The following ITGB2 variants were observed in gnomAD, a reference collection of about 807,000 sequenced individuals.
ITGB2 encodes integrin subunit beta 2, also known as integrin beta-2.
In ITGB2, 56 loss-of-function variants were observed where a neutral mutation model predicts 86.8. The ratio of observed to expected loss-of-function variants is 0.65; its 90% CI spans 0.52 to 0.81. The LOEUF (loss-of-function observed/expected upper bound fraction) is 0.81, where lower values mean the gene tolerates loss of function less well. Among genes scored for constraint, ITGB2 ranks in the 30% least tolerant of loss-of-function variants. The probability of loss-of-function intolerance (pLI) is 0.00; values close to 1 mark genes in which losing one functional copy is unlikely to be tolerated. For missense variants in ITGB2, 948 were observed against 1,061.2 expected, an observed-to-expected ratio of 0.89 and a Z score of 1.48; for synonymous variants, 457 against 450.4, an observed-to-expected ratio of 1.01 and a Z score of -0.19.
rs2083857523 is a variant in ITGB2, at chr21:44,895,850, TGA to T, written c.994-792_994-791del. The stretch of plus-strand genomic sequence containing the variant: ...TCTGTCTCAATAAAATAAAATGAAA[TGA>T]AATGAAATGAAATGAAATGAAATAA... On this transcript the variant is annotated intron_variant, in intron 8 of 15. Coordinates refer to ENST00000652462, the MANE Select transcript of ITGB2 (RefSeq NM_000211.5). 2.3e-5 allele frequency among the ~76,000 whole-genome samples: 3 copies of T among 130,514 alleles called. No homozygotes were observed. The South Asian group carries it at 6.9e-4, about 30-fold the overall frequency. The allele number at this position is 130,514 out of a possible 152,430, so 85.6% of individuals were successfully genotyped here. A position where few individuals can be genotyped will look rare whatever the true frequency, so the allele number is the denominator to read the frequency against.
chr21:44,910,332 G>T lies in ITGB2; in HGVS notation c.99C>A (p.Cys33Ter). ...CGGGCCCCGACTCGATGCATTCCCG[G>T]CAGCTGCTGACCTTGAACTTCGTGC... ...QECTKFKVSS[C>*]RECIESGPGC... The change falls in exon 3 of 16, where the codon TGC (cysteine) becomes TGA (stop). Residue 33 changes from cysteine to a stop codon, truncating the protein, a stop_gained. Coordinates refer to ENST00000652462, the MANE Select transcript of ITGB2 (RefSeq NM_000211.5). LOFTEE classifies it high-confidence loss of function. The T allele has an allele frequency of 6.2e-7, 1 of 1,614,142 alleles. No individual in the cohort carries two copies. Among genetic ancestry groups the T allele is most frequent in the South Asian group, 1.1e-5 (1 of 91,086 alleles).
chr21:44,913,351 T>C (rs555645078), intron 1 of ITGB2, among the ~76,000 whole-genome samples: 4 of 152,232 alleles, frequency 2.6e-5, no homozygotes, highest in East Asian at 3.9e-4. Context: ...ATGGGGAAAC[T>C]GAGGGCCCCA....
At chr21:44,910,444 G>A in intron 2 of ITGB2, 72 bp from the exon 3 acceptor site, 1 of 1,608,706 alleles carries the variant, frequency 6.2e-7, no homozygotes, top group Non-Finnish European at 8.5e-7. Context: ...GAGTAGAGCA[G>A]GAAGGTCAGA....
intron 1 of ITGB2, among the ~76,000 whole-genome samples, chr21:44,913,411 C>T (rs2084161181): frequency 6.6e-6 from 1 of 152,140 alleles, no homozygotes; most frequent in Admixed American, 6.5e-5. Context: ...GCACTCCCAC[C>T]TGCCCACAGG....
In ITGB2 at chr21:44,886,689, G is replaced by C. The variant is rs1254354164; in HGVS notation, c.2247+47C>G. ...CCGCAGCAGGAGGTCGCATAGTGTGGGACGCACGTGCCCCTCTGCGTGGGA... is the reference window on the plus strand; with the variant it reads ...CCGCAGCAGGAGGTCGCATAGTGTGCGACGCACGTGCCCCTCTGCGTGGGA... On this transcript the variant is annotated intron_variant, in intron 15 of 15. Coordinates refer to ENST00000652462, the MANE Select transcript of ITGB2 (RefSeq NM_000211.5). 18 of 1,611,024 alleles carry C rather than the reference G, an allele frequency of 1.1e-5. No homozygotes were observed. In the African/African-American group the frequency reaches 2.4e-4, roughly 22 times the overall value.
Position 44,889,256 on chromosome 21 carries a change from C to A in ITGB2, c.1877+20G>T, listed in dbSNP as rs1190100106. 3 of 1,610,332 alleles carry A rather than the reference C, an allele frequency of 1.9e-6. No individual in the cohort carries two copies. The highest frequency in any genetic ancestry group is 1.3e-5 in the African/African-American group (1 of 74,852). ...GGAGTGGGGATCCCTGCCCGCCCTG[C>A]CTGCTCCGCCTGCACTCACATGTAC... On this transcript the variant is annotated intron_variant, in intron 13 of 15. Coordinates refer to ENST00000652462, the MANE Select transcript of ITGB2 (RefSeq NM_000211.5).
At chr21:44,903,250 G>T in intron 5 of ITGB2, 115 bp downstream of exon 5, 1 of 1,341,586 alleles carries the variant, frequency 7.5e-7, no homozygotes, top group East Asian at 2.3e-5. Flanking sequence ...ACCTGCATCT[G>T]GGGCCCCCAG....
In ITGB2 at chr21:44,901,356, G is replaced by A. The variant is rs2083953965; in HGVS notation, c.741+136C>T. On this transcript the variant is annotated intron_variant, in intron 6 of 15. Transcript: ENST00000652462. The stretch of plus-strand genomic sequence containing the variant: ...TGCATGGGCAGCAGCAGGGTGAGGA[G>A]CTGCTCTCCCCAGGCCCAGGCTGGA... 5 of 1,127,332 alleles carry A rather than the reference G, an allele frequency of 4.4e-6. No homozygotes were observed. In the Admixed American group the frequency reaches 1.2e-4, roughly 27 times the overall value. 69.8% of individuals were successfully genotyped at this position (1,127,332 alleles called of 1,614,324 possible). A position where few individuals can be genotyped will look rare whatever the true frequency, so the allele number is the denominator to read the frequency against.
At chr21:44,916,684 A>G (rs2084215430) in intron 1 of ITGB2, among the ~76,000 whole-genome samples, 1 of 151,964 alleles carries the variant, frequency 6.6e-6, no homozygotes, top group South Asian at 2.1e-4. Flanking sequence ...CCTGAGCAAC[A>G]TAGTGAAACC....
Position 44,890,153 on chromosome 21 carries a change from TTCCA to T in ITGB2, c.1478_1481del (p.Leu493GlnfsTer35). 6.2e-7 allele frequency: 1 copy of T among 1,613,392 alleles called. No individual in the cohort carries two copies. ...AGTTGTTGTCCTTCCGGCAGCTTCC[TTCCA>T]GCTCCTGGCTGCTCCGGCCCTGTGT... On this transcript the variant is annotated frameshift_variant, in exon 12 of 16. Coordinates refer to ENST00000652462, the MANE Select transcript of ITGB2 (RefSeq NM_000211.5). LOFTEE classifies it high-confidence loss of function.
chr21:44,903,825 C>A (rs971358721), intron 4 of ITGB2, among the ~76,000 whole-genome samples: 2 of 152,120 alleles, frequency 1.3e-5, no homozygotes, highest in African/African-American at 4.8e-5. Context: ...ATTGGGGACG[C>A]CTTTCATTGA....
rs1275334181 is a variant in ITGB2 at position 44,910,798 on chromosome 21, G to A, written c.-3-13C>T. 3.7e-6 allele frequency: 6 copies of A among 1,611,840 alleles called. No homozygotes were observed. In the African/African-American group the frequency reaches 4.0e-5, roughly 11 times the overall value. On this transcript the variant is annotated splice_polypyrimidine_tract_variant and intron_variant, in intron 1 of 15. Coordinates refer to ENST00000652462, the MANE Select transcript of ITGB2 (RefSeq NM_000211.5). ...GGCCCAGCATGTCCTGTGGAGGGAA[G>A]GGGTCTTGGTGACGGTCTCAGGCCC...
intron 5 of ITGB2, among the ~76,000 whole-genome samples, chr21:44,902,362 TGTGTGTGAGCGTGCATTCAC>T (rs950955652): frequency 1.9e-4 from 29 of 152,204 alleles, no homozygotes; most frequent in Admixed American, 1.8e-3. Flanking sequence ...AGCATGCATT[TGTGTGTGAGCGTGCATTCAC>T]GTGTGTGAGC....
Position 44,886,896 on chromosome 21 carries a change from A to G in ITGB2, c.2087T>C (p.Val696Ala). The change falls in exon 15 of 16, where the codon GTG (valine) becomes GCG (alanine). Residue 696 changes from valine to alanine, a missense_variant. Transcript: ENST00000652462. ...GATGGCGGCGATGTTGGGGCCTGCC[A>G]CACACTCTAGGGAAGAAGCAGCACA... ...LIYVDESRECVAGPNIAAIVG... is the reference protein window; with the variant it reads ...LIYVDESRECAAGPNIAAIVG... 1 of 1,612,988 alleles carries G rather than the reference A, an allele frequency of 6.2e-7. No individual in the cohort carries two copies. The highest frequency in any genetic ancestry group is 8.5e-7 in the Non-Finnish European group (1 of 1,180,006).
In ITGB2 at chr21:44,907,269, C is replaced by T. The variant is rs560987111; in HGVS notation, c.148-174G>A. On this transcript the variant is annotated intron_variant, in intron 3 of 15. Transcript: ENST00000652462. The stretch of plus-strand genomic sequence containing the variant: ...AGCTCCTTCAGCCTCCCAGACAGCC[C>T]CTCCCTGAAGGCTCCCGGCCACAGC... 2.0e-5 allele frequency among the ~76,000 whole-genome samples: 3 copies of T among 152,142 alleles called. No individual in the cohort carries two copies. The South Asian group carries it at 6.2e-4, about 31-fold the overall frequency.
Position 44,912,158 on chromosome 21 carries a change from C to T in ITGB2, c.-3-1373G>A, listed in dbSNP as rs902931577. 3.9e-5 allele frequency among the ~76,000 whole-genome samples: 6 copies of T among 152,310 alleles called. No homozygotes were observed. The East Asian group carries it at 9.6e-4, about 24-fold the overall frequency. ...GGCCTCCCAGGCTGCTGGGGCGTTCCTGCCCCACACCCTTCCCTCGGGTGG... is the reference window on the plus strand; with the variant it reads ...GGCCTCCCAGGCTGCTGGGGCGTTCTTGCCCCACACCCTTCCCTCGGGTGG... On this transcript the variant is annotated intron_variant, in intron 1 of 15. Coordinates refer to ENST00000652462, the MANE Select transcript of ITGB2 (RefSeq NM_000211.5).
At chr21:44,927,600 T>C (rs1336597100) in intron 1 of ITGB2, 1 of 152,268 alleles carries the variant, frequency 6.6e-6, no homozygotes, top group Non-Finnish European at 1.5e-5. Context: ...GGCCTTTTTT[T>C]TTCTTTTTCA....
intron 1 of ITGB2, among the ~76,000 whole-genome samples, chr21:44,920,426 C>T (rs928815653): frequency 1.3e-5 from 2 of 152,170 alleles, no homozygotes; most frequent in Non-Finnish European, 1.5e-5. Flanking sequence ...GAGGGCCTAA[C>T]ACAGGCAGGC....
intron 5 of ITGB2, 151 bp from the exon 6 acceptor site, chr21:44,901,884 A>G (rs1049663019): frequency 2.3e-6 from 2 of 855,376 alleles, no homozygotes; most frequent in South Asian, 1.8e-5. Context: ...GTGTGTGAGC[A>G]TGTGCGTTGT....
Sources: gnomAD v4.1 joint callset for allele counts (sites outside exome capture counted in the v4.1 genomes callset) on GRCh38, gnomAD v4.1.1 for gene constraint, MANE v1.5 for transcripts, NCBI Gene and HGNC (gene_info 2026-07-23, HGNC 2026-07-21) for gene names.